SLC41A3: variants seen among roughly 807,000 people sequenced by gnomAD.
The protein encoded by SLC41A3 is SLC41A1-like 2.
In SLC41A3, 44 loss-of-function variants were observed where a neutral mutation model predicts 45.4. The observed-to-expected ratio is 0.97, with a 90% CI of 0.76 to 1.25. The LOEUF (loss-of-function observed/expected upper bound fraction) is 1.25. Ranked by LOEUF, SLC41A3 falls within the 50% of genes most tolerant of loss-of-function variation. The probability of loss-of-function intolerance (pLI) is 0.00; values close to 1 mark genes in which losing one functional copy is unlikely to be tolerated. For synonymous variants in SLC41A3, 256 were observed against 252.4 expected (o/e 1.01, Z -0.13); for missense variants, 550 against 600.6 (o/e 0.92, Z 0.88).
chr3:126,033,481 TAG>T, intron 4 of SLC41A3, 124 bp downstream of exon 4: 1 of 995,010 alleles, frequency 1.0e-6, no homozygotes, highest in Non-Finnish European at 1.5e-6. Flanking sequence ...GAGGGACAGG[TAG>T]CTACCTGTTC....
chr3:126,084,093 C>G lies in SLC41A3; in HGVS notation c.-28G>C, dbSNP rs1488002886. 3 of 152,376 alleles carry G rather than the reference C, an allele frequency of 2.0e-5. No individual in the cohort carries two copies. Among genetic ancestry groups the G allele is most frequent in the African/African-American group, 7.2e-5 (3 of 41,404 alleles). The allele number at this position is 152,376 out of a possible 1,614,324, so 9.4% of individuals were successfully genotyped here. On this transcript the variant is annotated splice_region_variant and 5_prime_UTR_variant, in exon 1 of 11. Coordinates refer to ENST00000360370, the MANE Select transcript of SLC41A3 (RefSeq NM_017836.4). ...CCGCCCGGAACAGGGCCGCGCTTAC[C>G]GGGTCCCCTCCCAGGCGGCGGCGGG...
chr3:126,076,345 CT>C (rs1944878881), intron 1 of SLC41A3, among the ~76,000 whole-genome samples: 1 of 152,202 alleles, frequency 6.6e-6, no homozygotes, highest in East Asian at 1.9e-4. Context: ...TACTTCATTC[CT>C]TTTTACAGCT....
chr3:126,028,455 C>A (rs1210125858), intron 4 of SLC41A3, among the ~76,000 whole-genome samples: 1 of 152,268 alleles, frequency 6.6e-6, no homozygotes, highest in East Asian at 1.9e-4. Flanking sequence ...GCACAGAGTG[C>A]AAAGTTGAGG....
intron 4 of SLC41A3, among the ~76,000 whole-genome samples, chr3:126,029,298 C>T (rs1941615841): frequency 3.3e-5 from 5 of 152,080 alleles, no homozygotes; most frequent in Admixed American, 2.0e-4. Context: ...CTCATGGTGA[C>T]CCCTTGGTGC....
chr3:126,015,465 G>A (rs2279821), intron 8 of SLC41A3, 29 bp downstream of exon 8: 319,992 of 1,611,616 alleles, frequency 0.2, 32,694 homozygotes, highest in Middle Eastern at 0.24. Flanking sequence ...CCAACCCAGG[G>A]ACCACATGGG....
chr3:126,033,378 G>C (rs1207704210), intron 4 of SLC41A3, among the ~76,000 whole-genome samples: 1 of 148,742 alleles, frequency 6.7e-6, no homozygotes, highest in Non-Finnish European at 1.5e-5. Context: ...GGCTTGGAAA[G>C]GAGGGAGTGG....
chr3:126,095,156 C>T, intron 1 of SLC41A3: 1 of 616,606 alleles, frequency 1.6e-6, no homozygotes, highest in Non-Finnish European at 2.9e-6. Flanking sequence ...AAAATAATAA[C>T]TTGGGGTAGA....
rs530270993 is a variant in SLC41A3 at position 126,065,965 on chromosome 3, A to G, written c.273+1982T>C. 9.2e-5 allele frequency among the ~76,000 whole-genome samples: 14 copies of G among 152,328 alleles called. No homozygotes were observed. In the South Asian group the frequency reaches 2.1e-3, roughly 23 times the overall value. ...CAGATCACACCATAATGACCACAGC[A>G]GGCAGCAGCCCTGGAGGAAGGCCCC... On this transcript the variant is annotated intron_variant, in intron 2 of 10. Coordinates refer to ENST00000360370, the MANE Select transcript of SLC41A3 (RefSeq NM_017836.4).
intron 7 of SLC41A3, 31 bp from the exon 8 acceptor site, chr3:126,015,604 T>C: frequency 6.2e-7 from 1 of 1,610,218 alleles, no homozygotes; most frequent in Non-Finnish European, 8.5e-7. Flanking sequence ...AGTCAAGTTA[T>C]CAGAGTTTAC....
intron 1 of SLC41A3, among the ~76,000 whole-genome samples, chr3:126,077,685 C>T (rs1297076320): frequency 6.6e-6 from 1 of 152,218 alleles, no homozygotes; most frequent in African/African-American, 2.4e-5. Context: ...GCTGGTAAAA[C>T]ATTTTCCCAA....
At chr3:126,044,494 A>G (rs550668454) in intron 3 of SLC41A3, among the ~76,000 whole-genome samples, 23 of 152,356 alleles carry the variant, frequency 1.5e-4, no homozygotes, top group African/African-American at 5.5e-4. Context: ...TCCACCGAAC[A>G]ATGGAAGAAT....
intron 2 of SLC41A3, among the ~76,000 whole-genome samples, chr3:126,062,505 C>T (rs1405956964): frequency 6.6e-6 from 1 of 152,240 alleles, no homozygotes; most frequent in Non-Finnish European, 1.5e-5. Flanking sequence ...TTACATTACA[C>T]TGATGATGCC....
At chr3:126,097,790 A>G (rs916762830) in intron 1 of SLC41A3, among the ~76,000 whole-genome samples, 1 of 152,218 alleles carries the variant, frequency 6.6e-6, no homozygotes, top group African/African-American at 2.4e-5. Flanking sequence ...AAATGGGAGC[A>G]TTCTAGAAAA....
chr3:126,019,105 T>C (rs1266420299), intron 6 of SLC41A3, among the ~76,000 whole-genome samples: 1 of 152,196 alleles, frequency 6.6e-6, no homozygotes, highest in Non-Finnish European at 1.5e-5. Flanking sequence ...AGAGGCTGCC[T>C]CTGGTGAGGG....
intron 8 of SLC41A3, 70 bp downstream of exon 8, chr3:126,015,424 G>T: frequency 6.6e-7 from 1 of 1,526,226 alleles, no homozygotes; most frequent in Non-Finnish European, 9.1e-7. Context: ...GAGGTCTGCT[G>T]TTCCGGTCCA....
At chr3:126,014,577 G>T (rs1940075474) in intron 8 of SLC41A3, among the ~76,000 whole-genome samples, 1 of 152,234 alleles carries the variant, frequency 6.6e-6, no homozygotes, top group Admixed American at 6.5e-5. Flanking sequence ...CTGTTCTCAT[G>T]CACAATGTGA....
intron 6 of SLC41A3, 67 bp from the exon 7 acceptor site, chr3:126,016,942 G>A (rs1940359455): frequency 6.3e-7 from 1 of 1,579,816 alleles, no homozygotes; most frequent in African/African-American, 1.4e-5. Context: ...CTGGGCCTGG[G>A]TTTCACAAAT....
chr3:126,037,347 G>C (rs1559841744), intron 3 of SLC41A3, among the ~76,000 whole-genome samples: 1 of 152,162 alleles, frequency 6.6e-6, no homozygotes, highest in South Asian at 2.1e-4. Context: ...GGAAGATAAG[G>C]GAAAGTTTGG....
At chr3:126,091,573 T>G (rs1354303906) in intron 1 of SLC41A3, among the ~76,000 whole-genome samples, 1 of 152,074 alleles carries the variant, frequency 6.6e-6, no homozygotes, top group Admixed American at 6.5e-5. Context: ...GAGGCCAAGG[T>G]TTTTTTATGC....
Sources: gnomAD v4.1 joint callset for allele counts (sites outside exome capture counted in the v4.1 genomes callset) on GRCh38, gnomAD v4.1.1 for gene constraint, MANE v1.5 for transcripts, NCBI Gene and HGNC (gene_info 2026-07-23, HGNC 2026-07-21) for gene names.